Variants in TYW1B observed in about 807,000 individuals in gnomAD.
TYW1B encodes the protein tRNA-yW synthesizing protein 1 homolog B, also known as S-adenosyl-L-methionine-dependent tRNA 4-demethylwyosine synthase TYW1B.
A neutral mutation model predicts 86.9 loss-of-function variants in TYW1B; 73 were observed. The observed-to-expected ratio is 0.84, with a 90% CI of 0.70 to 1.02. TYW1B has a LOEUF of 1.02. Among genes scored for constraint, TYW1B ranks in the 50% least tolerant of loss-of-function variants. The pLI is 0.00. For synonymous variants in TYW1B, 248 were observed against 292.8 expected, an observed-to-expected ratio of 0.85 and a Z score of 1.56; for missense variants, 637 against 827.4, an observed-to-expected ratio of 0.77 and a Z score of 2.82.
intron 12 of TYW1B, among the ~76,000 whole-genome samples, chr7:72,620,581 C>T (rs1265704061): frequency 1.3e-5 from 2 of 152,106 alleles, no homozygotes; most frequent in Non-Finnish European, 2.9e-5. Context: ...TCACTCAGAG[C>T]CCAATGGCTC....
chr7:72,633,963 A>AAGATTTCAC (rs1554440364), intron 11 of TYW1B, among the ~76,000 whole-genome samples: 2 of 152,056 alleles, frequency 1.3e-5, no homozygotes, highest in African/African-American at 4.8e-5. Context: ...AGTGAATTCG[A>AAGATTTCAC]TGTTTGCAAG....
chr7:72,771,939 CG>C (rs1396384584), intron 7 of TYW1B, among the ~76,000 whole-genome samples: 1 of 151,678 alleles, frequency 6.6e-6, no homozygotes, highest in African/African-American at 2.4e-5. Context: ...CTCTGCCTCC[CG>C]GGTTTAAACG....
chr7:72,703,981 T>C (rs1199163741), intron 10 of TYW1B, among the ~76,000 whole-genome samples: 2 of 145,840 alleles, frequency 1.4e-5, no homozygotes, highest in African/African-American at 5.1e-5. Flanking sequence ...TTCAATACTC[T>C]ACTAATTTTA....
intron 8 of TYW1B, among the ~76,000 whole-genome samples, chr7:72,735,414 A>G (rs1244416831): frequency 4.6e-5 from 7 of 152,092 alleles, no homozygotes; most frequent in Admixed American, 3.9e-4. Flanking sequence ...TACTAAAAAT[A>G]TAAAAAATTA....
chr7:72,810,793 T>C (rs1788596175), intron 3 of TYW1B, 128 bp from the exon 4 acceptor site: 5 of 1,338,534 alleles, frequency 3.7e-6, no homozygotes, highest in Admixed American at 2.9e-5. Context: ...TGGCTCATTT[T>C]CGAAAGTGAA....
chr7:72,599,285 AT>A (rs1218247899), intron 13 of TYW1B, among the ~76,000 whole-genome samples: 1 of 152,250 alleles, frequency 6.6e-6, no homozygotes, highest in Non-Finnish European at 1.5e-5. Flanking sequence ...GAAAAAAAAA[AT>A]CACATGATCT....
intron 2 of TYW1B, among the ~76,000 whole-genome samples, chr7:72,821,065 C>T (rs1321672491): frequency 6.6e-6 from 1 of 152,186 alleles, no homozygotes; most frequent in African/African-American, 2.4e-5. Flanking sequence ...CTCTGCCTCC[C>T]GGGTTCAAGT....
chr7:72,696,517 G>C (rs1165205457), intron 10 of TYW1B, among the ~76,000 whole-genome samples: 1 of 152,034 alleles, frequency 6.6e-6, no homozygotes, highest in African/African-American at 2.4e-5. Context: ...CTTTAAAATG[G>C]TTTATGTGCT....
chr7:72,688,605 T>C (rs1226804929), intron 11 of TYW1B, among the ~76,000 whole-genome samples: 2 of 152,198 alleles, frequency 1.3e-5, no homozygotes, highest in Non-Finnish European at 2.9e-5. Flanking sequence ...AACACTTTTG[T>C]TCCCGCAGGC....
intron 12 of TYW1B, among the ~76,000 whole-genome samples, chr7:72,628,282 CAAAAT>C (rs1257346114): frequency 1.3e-5 from 2 of 151,540 alleles, no homozygotes; most frequent in African/African-American, 4.9e-5. Context: ...GTCCTTGTCT[CAAAAT>C]AAAATAAAAT....
At chr7:72,625,883 G>A (rs1362650066) in intron 12 of TYW1B, among the ~76,000 whole-genome samples, 1 of 114,880 alleles carries the variant, frequency 8.7e-6, no homozygotes, top group Non-Finnish European at 1.8e-5. Context: ...GAAAGGAGGG[G>A]GGAGAGGTGG....
chr7:72,670,632 G>A lies in TYW1B; in HGVS notation c.1506+24055C>T, dbSNP rs2507791. On this transcript the variant is annotated intron_variant, in intron 11 of 13. Coordinates refer to ENST00000620995, the MANE Select transcript of TYW1B (RefSeq NM_001145440.3). ...ATGGTGCCCTGGGAGTCAAACACTCGCATTCTGCTCGCTTTCTGAGGAGTA... is the reference window on the plus strand; with the variant it reads ...ATGGTGCCCTGGGAGTCAAACACTCACATTCTGCTCGCTTTCTGAGGAGTA... Among the ~76,000 whole-genome samples, 69 of 152,300 alleles carry A rather than the reference G, an allele frequency of 4.5e-4. No individual in the cohort carries two copies. In the East Asian group the frequency reaches 5.4e-3, roughly 12 times the overall value.
chr7:72,691,840 T>TA (rs1408381073), intron 11 of TYW1B, among the ~76,000 whole-genome samples: 3 of 152,196 alleles, frequency 2.0e-5, no homozygotes, highest in Admixed American at 6.5e-5. Context: ...CACAAAGACT[T>TA]AATCGGCTGG....
At chr7:72,747,303 T>C (rs1787412909) in intron 7 of TYW1B, among the ~76,000 whole-genome samples, 1 of 152,322 alleles carries the variant, frequency 6.6e-6, no homozygotes, top group South Asian at 2.1e-4. Context: ...TCATTTTCTC[T>C]TGCCACCACC....
intron 6 of TYW1B, among the ~76,000 whole-genome samples, chr7:72,792,611 C>T (rs1554473743): frequency 2.0e-5 from 3 of 152,018 alleles, no homozygotes; most frequent in Admixed American, 6.6e-5. Flanking sequence ...CCTTAGATGC[C>T]GGAATTTCAA....
chr7:72,739,364 G>C (rs1181445440), intron 8 of TYW1B, among the ~76,000 whole-genome samples: 2 of 152,058 alleles, frequency 1.3e-5, no homozygotes, highest in Non-Finnish European at 2.9e-5. Flanking sequence ...TCAGCACTTT[G>C]GGAGGCCAAG....
intron 10 of TYW1B, among the ~76,000 whole-genome samples, chr7:72,705,553 A>G (rs111705226): frequency 6.6e-6 from 1 of 152,326 alleles, no homozygotes; most frequent in Non-Finnish European, 1.5e-5. Context: ...GATTTACAGT[A>G]CTCACCAAAA....
At chr7:72,681,262 T>C (rs1267238136) in intron 11 of TYW1B, among the ~76,000 whole-genome samples, 4 of 152,242 alleles carry the variant, frequency 2.6e-5, no homozygotes, top group Non-Finnish European at 4.4e-5. Context: ...CAAATACTTA[T>C]GTGGCAATCA....
At chr7:72,815,643 C>T (rs186047198) in intron 2 of TYW1B, among the ~76,000 whole-genome samples, 162 bp from the exon 3 acceptor site, 1 of 152,220 alleles carries the variant, frequency 6.6e-6, no homozygotes, top group African/African-American at 2.4e-5. Context: ...TTCTTGGGCA[C>T]CATTACCGAG....
Sources: allele counts gnomAD v4.1 joint callset (sites outside exome capture counted in the v4.1 genomes callset), GRCh38; gene constraint gnomAD v4.1.1; transcripts MANE v1.5; gene names NCBI Gene and HGNC (gene_info 2026-07-23, HGNC 2026-07-21).